The following L3MBTL3 variants were observed in gnomAD, a reference collection of about 807,000 sequenced individuals.
L3MBTL3 encodes the protein L3MBTL histone methyl-lysine binding protein 3.
In L3MBTL3, 27 loss-of-function variants were observed where a neutral mutation model predicts 102.3. That is an observed-to-expected ratio of 0.26 (90% confidence interval 0.19 to 0.36). L3MBTL3 has a LOEUF of 0.36. L3MBTL3 is among the 10% of genes least tolerant of loss of function. The pLI is 1.00. For synonymous variants in L3MBTL3, 340 were observed against 320.9 expected (o/e 1.06, Z -0.64); for missense variants, 798 against 955.3 (o/e 0.84, Z 2.17).
chr6:130,079,409 T>G (rs746625534), intron 14 of L3MBTL3, among the ~76,000 whole-genome samples: 38 of 152,200 alleles, frequency 2.5e-4, no homozygotes, highest in Non-Finnish European at 5.1e-4. Context: ...TGCTGATAAA[T>G]AGTGTCCTTG....
chr6:130,108,844 T>C (rs1448756829), intron 19 of L3MBTL3, among the ~76,000 whole-genome samples: 1 of 152,100 alleles, frequency 6.6e-6, no homozygotes, highest in African/African-American at 2.4e-5. Context: ...GCTAATGCTC[T>C]CCCTCCCCTT....
chr6:130,054,596 C>T (rs79173285), intron 7 of L3MBTL3, among the ~76,000 whole-genome samples: 1 of 152,142 alleles, frequency 6.6e-6, no homozygotes, highest in South Asian at 2.1e-4. Context: ...ATAATCCTGT[C>T]TCTTACTGAG....
intron 18 of L3MBTL3, among the ~76,000 whole-genome samples, chr6:130,099,308 GTC>G (rs1784548625): frequency 6.6e-6 from 1 of 152,116 alleles, no homozygotes; most frequent in Non-Finnish European, 1.5e-5. Context: ...ATGTGCACGT[GTC>G]TAACCATGAC....
At chr6:130,078,419 C>A in intron 13 of L3MBTL3, 139 bp from the exon 14 acceptor site, 1 of 548,570 alleles carries the variant, frequency 1.8e-6, no homozygotes, top group Non-Finnish European at 3.2e-6. Flanking sequence ...TTTGGTTTAG[C>A]ATTTTTTTCC....
chr6:130,089,354 A>T (rs1405570646), intron 16 of L3MBTL3, among the ~76,000 whole-genome samples: 3 of 151,910 alleles, frequency 2.0e-5, no homozygotes. Flanking sequence ...GCTGAGAATG[A>T]TGGTTTCCAG....
At chr6:130,051,123 C>T in intron 5 of L3MBTL3, 126 bp from the exon 6 acceptor site, 1 of 693,398 alleles carries the variant, frequency 1.4e-6, no homozygotes, top group Admixed American at 3.0e-5. Flanking sequence ...TTTGATCATT[C>T]ATTCATTCAG....
At chr6:130,104,638 T>G in intron 19 of L3MBTL3, 63 bp downstream of exon 19, 3 of 1,194,274 alleles carry the variant, frequency 2.5e-6, no homozygotes, top group Non-Finnish European at 3.4e-6. Flanking sequence ...ATTTTTTATC[T>G]TTTAGATATT....
intron 1 of L3MBTL3, chr6:130,019,397 G>C (rs1368181049): frequency 1.3e-5 from 2 of 150,504 alleles, no homozygotes; most frequent in Non-Finnish European, 1.5e-5. Context: ...CCCTCCGCCC[G>C]TGTGGCCTTT....
chr6:130,112,069 G>A (rs1032053318), intron 19 of L3MBTL3, among the ~76,000 whole-genome samples: 15 of 152,106 alleles, frequency 9.9e-5, no homozygotes, highest in African/African-American at 2.7e-4. Flanking sequence ...CATCTTTGGG[G>A]TGTCAGATTC....
intron 12 of L3MBTL3, 53 bp downstream of exon 12, chr6:130,068,474 C>A: frequency 3.3e-6 from 3 of 902,090 alleles, no homozygotes; most frequent in South Asian, 2.8e-5. Flanking sequence ...TTTTGAGTGT[C>A]TCATAGGATC....
intron 3 of L3MBTL3, among the ~76,000 whole-genome samples, chr6:130,043,348 G>GT (rs1263714114): frequency 2.0e-5 from 3 of 152,136 alleles, no homozygotes; most frequent in Non-Finnish European, 2.9e-5. Context: ...GTCTGCCTAA[G>GT]TATAGATGAG....
At chr6:130,073,521 C>T (rs4897364) in intron 13 of L3MBTL3, among the ~76,000 whole-genome samples, 1 of 151,806 alleles carries the variant, frequency 6.6e-6, no homozygotes, top group Non-Finnish European at 1.5e-5. Flanking sequence ...TTTTTTAAAG[C>T]TTTTGCCTGA....
At chr6:130,083,850 T>G (rs1783513664) in intron 15 of L3MBTL3, 145 bp downstream of exon 15, 2 of 429,944 alleles carry the variant, frequency 4.7e-6, no homozygotes, top group Non-Finnish European at 4.2e-6. Context: ...ATTTTTACAA[T>G]TTTTAAAGTC....
chr6:130,020,895 T>G (rs914887782), intron 1 of L3MBTL3, among the ~76,000 whole-genome samples: 1 of 149,808 alleles, frequency 6.7e-6, no homozygotes, highest in African/African-American at 2.5e-5. Context: ...GCCAGAAAAA[T>G]GCATTCGAGA....
chr6:130,086,064 C>T (rs1199771379), intron 15 of L3MBTL3, 76 bp from the exon 16 acceptor site: 2 of 1,029,858 alleles, frequency 1.9e-6, no homozygotes, highest in East Asian at 4.8e-5. Context: ...GCTTTTTCTT[C>T]TTCTTCTTCT....
chr6:130,052,774 T>A (rs1781186449), intron 6 of L3MBTL3, 85 bp from the exon 7 acceptor site: 4 of 1,465,110 alleles, frequency 2.7e-6, no homozygotes, highest in Admixed American at 2.5e-5. Flanking sequence ...GATTTTTTTT[T>A]AATGATTGTT....
intron 19 of L3MBTL3, among the ~76,000 whole-genome samples, chr6:130,108,529 G>A (rs375123384): frequency 2.2e-4 from 34 of 152,012 alleles, no homozygotes; most frequent in Admixed American, 2.0e-4. Flanking sequence ...CAATGTCCCC[G>A]GCCAAATGTT....
chr6:130,082,022 CTG>C (rs1424663841), intron 14 of L3MBTL3, among the ~76,000 whole-genome samples: 1 of 152,164 alleles, frequency 6.6e-6, no homozygotes, highest in African/African-American at 2.4e-5. Context: ...CATACGAAGA[CTG>C]TGCATTTTTG....
At chr6:130,085,934 A>G (rs981448407) in intron 15 of L3MBTL3, among the ~76,000 whole-genome samples, 2 of 151,666 alleles carry the variant, frequency 1.3e-5, no homozygotes, top group Non-Finnish European at 2.9e-5. Context: ...TGTATTTTTA[A>G]TAGAGACAGG....
Sources: allele counts gnomAD v4.1 joint callset (sites outside exome capture counted in the v4.1 genomes callset), GRCh38; gene constraint gnomAD v4.1.1; transcripts MANE v1.5; gene names NCBI Gene and HGNC (gene_info 2026-07-23, HGNC 2026-07-21).